The following PKD1L3 variants were observed in gnomAD, a reference collection of about 807,000 sequenced individuals.
PKD1L3 encodes polycystin 1 like 3, transient receptor potential channel interacting.
A neutral mutation model predicts 184.1 loss-of-function variants in PKD1L3; 239 were observed. The ratio of observed to expected loss-of-function variants is 1.30; its 90% CI spans 1.17 to 1.45. The LOEUF is 1.45. Ranked by LOEUF, PKD1L3 falls within the 40% of genes most tolerant of loss-of-function variation. The pLI, the probability that PKD1L3 is intolerant of heterozygous loss-of-function variation, is 0.00. For synonymous variants in PKD1L3, 996 were observed against 778.8 expected (o/e 1.28, Z -4.64); for missense variants, 2,660 against 2,067.2 (o/e 1.29, Z -5.56).
At chr16:71,932,278 A>C (rs955516420) in intron 28 of PKD1L3, among the ~76,000 whole-genome samples, 1 of 152,102 alleles carries the variant, frequency 6.6e-6, no homozygotes, top group African/African-American at 2.4e-5. Context: ...GGTCATATCT[A>C]CCCTTTACAT....
chr16:71,948,174 C>A (rs1476008638), intron 21 of PKD1L3, among the ~76,000 whole-genome samples: 2 of 152,062 alleles, frequency 1.3e-5, no homozygotes, highest in Admixed American at 1.3e-4. Context: ...CTCTGCCTCC[C>A]GGGTTCAAGT....
chr16:71,957,158 C>T (rs960409956), intron 16 of PKD1L3, among the ~76,000 whole-genome samples: 8 of 151,648 alleles, frequency 5.3e-5, no homozygotes, highest in East Asian at 1.9e-4. Flanking sequence ...CAAAAGAATA[C>T]GGTAGACTAG....
chr16:71,944,995 A>AC (rs2038511178), intron 22 of PKD1L3, among the ~76,000 whole-genome samples: 1 of 151,514 alleles, frequency 6.6e-6, no homozygotes, highest in Non-Finnish European at 1.5e-5. Context: ...AAAAAGAAAA[A>AC]AATAAAGCAG....
At chr16:71,971,440 T>A (rs891105963) in intron 12 of PKD1L3, among the ~76,000 whole-genome samples, 2 of 152,318 alleles carry the variant, frequency 1.3e-5, no homozygotes, top group South Asian at 2.1e-4. Flanking sequence ...GGCACAGAAT[T>A]AAGTCCTGGA....
At chr16:71,941,687 C>T (rs60075093) in intron 24 of PKD1L3, among the ~76,000 whole-genome samples, 42,141 of 149,472 alleles carry the variant, frequency 0.28, 7,580 homozygotes, top group East Asian at 0.66. Flanking sequence ...TGGGTTCAAG[C>T]GATTCTTCTG....
At chr16:71,970,801 C>A (rs2039682039) in intron 12 of PKD1L3, among the ~76,000 whole-genome samples, 1 of 152,002 alleles carries the variant, frequency 6.6e-6, no homozygotes, top group African/African-American at 2.4e-5. Flanking sequence ...GAGCAAGACT[C>A]TGTCTCCAAA....
intron 28 of PKD1L3, 37 bp from the exon 29 acceptor site, chr16:71,930,220 AT>A (rs1188180308): frequency 1.3e-6 from 2 of 1,514,386 alleles, no homozygotes; most frequent in African/African-American, 1.4e-5. Flanking sequence ...GTGACTGACA[AT>A]TTAGTTTATA....
chr16:71,979,683 T>C, intron 9 of PKD1L3, 103 bp downstream of exon 9: 2 of 1,326,740 alleles, frequency 1.5e-6, no homozygotes, highest in Non-Finnish European at 2.0e-6. Flanking sequence ...TCATCTGATC[T>C]GGTCTGTTCA....
At chr16:71,969,462 T>A (rs1433159983) in intron 13 of PKD1L3, among the ~76,000 whole-genome samples, 1 of 141,166 alleles carries the variant, frequency 7.1e-6, no homozygotes, top group Non-Finnish European at 1.5e-5. Context: ...TGCACCACCA[T>A]GCCAGGCTCT....
At chr16:71,934,156 C>G in intron 26 of PKD1L3, 31 bp from the exon 27 acceptor site, 1 of 1,548,426 alleles carries the variant, frequency 6.5e-7, no homozygotes, top group Non-Finnish European at 8.7e-7. Context: ...AGTTACTCAG[C>G]AAGAAGTATG....
intron 3 of PKD1L3, among the ~76,000 whole-genome samples, 181 bp from the exon 4 acceptor site, chr16:71,990,510 A>T (rs1039299830): frequency 1.3e-5 from 2 of 152,202 alleles, no homozygotes; most frequent in African/African-American, 4.8e-5. Context: ...AGGCAGGCAG[A>T]TCACTTGAGG....
rs373909649 is a variant in PKD1L3 at position 71,966,133 on chromosome 16, C to T, written c.2465+1004G>A. Among the ~76,000 whole-genome samples, 6 of 151,850 alleles carry T rather than the reference C, an allele frequency of 4.0e-5. No homozygotes were observed. In the South Asian group the frequency reaches 1.2e-3, roughly 32 times the overall value. On this transcript the variant is annotated intron_variant, in intron 15 of 29. Coordinates refer to ENST00000620267, the MANE Select transcript of PKD1L3 (RefSeq NM_181536.2). ...AACAAATTTAGGGAGACCATATGCT[C>T]TTTGTGGGTGGGCAACATGTGGCAA...
At chr16:71,962,073 T>C (rs1254945317) in intron 16 of PKD1L3, among the ~76,000 whole-genome samples, 3 of 150,690 alleles carry the variant, frequency 2.0e-5, no homozygotes, top group East Asian at 1.9e-4. Context: ...TACAGTCTCA[T>C]GCTACCAAGT....
At position 71,947,600 on chromosome 16, in the gene PKD1L3, G is replaced by A; in HGVS notation, c.3619-9C>T. ...AATGTGAAGAAGACCACCTGGGCAG[G>A]AGAATCACAGAACATCGTGAGCAGA... On this transcript the variant is annotated splice_polypyrimidine_tract_variant and intron_variant, in intron 21 of 29. Transcript: ENST00000620267. The A allele has an allele frequency of 6.7e-7, 1 of 1,494,260 alleles. No individual in the cohort carries two copies. The highest frequency in any genetic ancestry group is 9.1e-7 in the Non-Finnish European group (1 of 1,096,422). 92.6% of individuals were successfully genotyped at this position (1,494,260 alleles called of 1,614,324 possible).
chr16:71,950,737 CT>C (rs200363488), intron 19 of PKD1L3, among the ~76,000 whole-genome samples: 56 of 140,466 alleles, frequency 4.0e-4, no homozygotes, highest in Non-Finnish European at 4.9e-4. Context: ...GTATTTCTCT[CT>C]TTTTTTTTTT....
At chr16:71,990,451 G>C (rs754644668) in intron 3 of PKD1L3, 122 bp from the exon 4 acceptor site, 74 of 742,374 alleles carry the variant, frequency 1.0e-4, no homozygotes, top group Non-Finnish European at 1.3e-4. Flanking sequence ...AGAAAACCAA[G>C]GCCGGACATG....
chr16:71,946,090 C>G (rs2038593141), intron 22 of PKD1L3, among the ~76,000 whole-genome samples: 2 of 152,200 alleles, frequency 1.3e-5, no homozygotes, highest in African/African-American at 4.8e-5. Flanking sequence ...TCCCACGTAG[C>G]TGGGATTACA....
At chr16:71,981,503 G>A (rs923315407) in intron 7 of PKD1L3, among the ~76,000 whole-genome samples, 1 of 145,430 alleles carries the variant, frequency 6.9e-6, no homozygotes, top group Non-Finnish European at 1.5e-5. Context: ...AACCTGTTGA[G>A]TGTTTGCTTT....
At chr16:71,981,091 T>C (rs2040132523) in intron 7 of PKD1L3, among the ~76,000 whole-genome samples, 1 of 152,216 alleles carries the variant, frequency 6.6e-6, no homozygotes. Flanking sequence ...TTCCATTGTA[T>C]GAATAGACCA....
Sources: allele counts gnomAD v4.1 joint callset (sites outside exome capture counted in the v4.1 genomes callset), GRCh38; gene constraint gnomAD v4.1.1; transcripts MANE v1.5; gene names NCBI Gene and HGNC (gene_info 2026-07-23, HGNC 2026-07-21).